Variants in SIPA1L2 observed in about 807,000 individuals in gnomAD.
SIPA1L2 encodes the protein signal-induced proliferation-associated 1-like protein 2.
SIPA1L2 carries 56 observed loss-of-function variants against 163.9 expected under a neutral mutation model. The ratio of observed to expected loss-of-function variants is 0.34; its 90% CI spans 0.28 to 0.43. The LOEUF is 0.43. Among genes scored for constraint, SIPA1L2 ranks in the 20% least tolerant of loss-of-function variants. SIPA1L2 has a pLI of 1.00. For missense variants in SIPA1L2, 1,974 were observed against 2,193.5 expected (o/e 0.90, Z 2.00); for synonymous variants, 877 against 865.7 (o/e 1.01, Z -0.23).
At chr1:232,554,091 T>C (rs1485279922) in intron 2 of SIPA1L2, among the ~76,000 whole-genome samples, 1 of 152,198 alleles carries the variant, frequency 6.6e-6, no homozygotes, top group Non-Finnish European at 1.5e-5. Flanking sequence ...GGTTTCAATC[T>C]CTAAAAAGTT....
chr1:232,571,693 T>C (rs1304625239), intron 2 of SIPA1L2, among the ~76,000 whole-genome samples: 2 of 152,178 alleles, frequency 1.3e-5, no homozygotes, highest in African/African-American at 4.8e-5. Flanking sequence ...CACCGTCCCC[T>C]TGGGGTTAAG....
intron 19 of SIPA1L2, among the ~76,000 whole-genome samples, chr1:232,407,759 T>C (rs1214864579): frequency 6.6e-6 from 1 of 152,174 alleles, no homozygotes; most frequent in Non-Finnish European, 1.5e-5. Flanking sequence ...GGATCACTAG[T>C]TGGTGATTTT....
At chr1:232,503,140 C>T (rs899027549) in intron 3 of SIPA1L2, among the ~76,000 whole-genome samples, 1 of 152,094 alleles carries the variant, frequency 6.6e-6, no homozygotes, top group Non-Finnish European at 1.5e-5. Flanking sequence ...CAAATGAAAT[C>T]CTTCCTTGGC....
intron 3 of SIPA1L2, among the ~76,000 whole-genome samples, chr1:232,500,603 G>T (rs939543375): frequency 6.6e-6 from 1 of 152,198 alleles, no homozygotes; most frequent in East Asian, 1.9e-4. Context: ...CTGAAGATCT[G>T]ATTGAATTGC....
Position 232,544,595 on chromosome 1 carries a change from C to CT in SIPA1L2, c.-269-28988dup, listed in dbSNP as rs369291862. 3.9e-3 allele frequency among the ~76,000 whole-genome samples: 594 copies of CT among 151,766 alleles called. 5 individuals are homozygous for CT. Among genetic ancestry groups the CT allele is most frequent in the African/African-American group, 0.014 (572 of 41,384 alleles). ...AAAGTGCTTGAATGCCAAGAATGATCTTTATCTCTCAAAAAGAGCATCTGC... is the reference window on the plus strand; with the variant it reads ...AAAGTGCTTGAATGCCAAGAATGATCTTTTATCTCTCAAAAAGAGCATCTGC... On this transcript the variant is annotated intron_variant, in intron 2 of 22. Coordinates refer to ENST00000674635, the MANE Select transcript of SIPA1L2 (RefSeq NM_020808.5).
chr1:232,466,413 G>A (rs181510750), intron 8 of SIPA1L2, among the ~76,000 whole-genome samples: 4 of 152,220 alleles, frequency 2.6e-5, no homozygotes, highest in South Asian at 2.1e-4. Context: ...AACCAATAAC[G>A]CTCCCCTACA....
At chr1:232,524,116 T>TA (rs1303747550) in intron 2 of SIPA1L2, among the ~76,000 whole-genome samples, 1 of 152,150 alleles carries the variant, frequency 6.6e-6, no homozygotes, top group African/African-American at 2.4e-5. Flanking sequence ...TTGTCTGATA[T>TA]AAAAAAACCC....
At chr1:232,477,364 T>C (rs1453352133) in intron 7 of SIPA1L2, among the ~76,000 whole-genome samples, 1 of 152,234 alleles carries the variant, frequency 6.6e-6, no homozygotes, top group African/African-American at 2.4e-5. Flanking sequence ...CCTGGAACTA[T>C]TTTAAGTGCT....
chr1:232,520,122 G>C (rs919845126), intron 2 of SIPA1L2, among the ~76,000 whole-genome samples: 1 of 152,198 alleles, frequency 6.6e-6, no homozygotes, highest in African/African-American at 2.4e-5. Context: ...CAGATCTCTA[G>C]ATTTTGTCTA....
chr1:232,607,449 T>C (rs1661985427), intron 1 of SIPA1L2, among the ~76,000 whole-genome samples: 1 of 152,188 alleles, frequency 6.6e-6, no homozygotes, highest in Non-Finnish European at 1.5e-5. Flanking sequence ...TTACATTGGG[T>C]ATCCTTATAC....
chr1:232,485,856 A>T (rs2102983443), intron 5 of SIPA1L2, among the ~76,000 whole-genome samples: 1 of 152,272 alleles, frequency 6.6e-6, no homozygotes, highest in East Asian at 1.9e-4. Context: ...ATACTAACTC[A>T]CTCCAGTGCC....
rs1660189902 is a variant in SIPA1L2 at position 232,399,263 on chromosome 1, T to A, written c.5033A>T (p.Asp1678Val). 6.2e-7 allele frequency: 1 copy of A among 1,613,362 alleles called. No individual in the cohort carries two copies. Among genetic ancestry groups the A allele is most frequent in the Non-Finnish European group, 8.5e-7 (1 of 1,179,912 alleles). Reference protein sequence around the residue: ...LQTDLRKEKQDKAVLQAEVQH... With the variant: ...LQTDLRKEKQVKAVLQAEVQH... ...CACTTCTGCTTGGAGAACGGCCTTGTCTTGTTTTTCCTGGTCAGAGCAGAA... is the reference window on the plus strand; with the variant it reads ...CACTTCTGCTTGGAGAACGGCCTTGACTTGTTTTTCCTGGTCAGAGCAGAA... The change falls in exon 23 of 23, where the codon GAC becomes GTC. Residue 1678 changes from aspartate to valine, a missense_variant. Asp to Val is a radical substitution (Grantham distance 152). Coordinates refer to ENST00000674635, the MANE Select transcript of SIPA1L2 (RefSeq NM_020808.5).
intron 11 of SIPA1L2, among the ~76,000 whole-genome samples, chr1:232,444,790 T>C (rs776299072): frequency 1.3e-5 from 2 of 152,172 alleles, no homozygotes; most frequent in Non-Finnish European, 2.9e-5. Flanking sequence ...AGTTAAGAGC[T>C]GTGATTCCAG....
At chr1:232,620,388 G>A (rs1188025511) in intron 1 of SIPA1L2, among the ~76,000 whole-genome samples, 1 of 152,208 alleles carries the variant, frequency 6.6e-6, no homozygotes. Flanking sequence ...GCTACAGCAA[G>A]GGAAGTACAG....
chr1:232,575,106 C>T (rs1345193852), intron 1 of SIPA1L2, among the ~76,000 whole-genome samples: 1 of 152,178 alleles, frequency 6.6e-6, no homozygotes, highest in Non-Finnish European at 1.5e-5. Context: ...GCCAAGCGCC[C>T]TAGGGCTCAC....
intron 19 of SIPA1L2, among the ~76,000 whole-genome samples, chr1:232,413,592 G>T (rs970747441): frequency 6.6e-6 from 1 of 152,212 alleles, no homozygotes; most frequent in African/African-American, 2.4e-5. Flanking sequence ...TATGAGCTGG[G>T]ATAGTTCTGG....
intron 1 of SIPA1L2, among the ~76,000 whole-genome samples, chr1:232,617,961 T>C (rs147820394): frequency 1.6e-3 from 240 of 152,224 alleles, no homozygotes; most frequent in African/African-American, 5.5e-3. Context: ...ATAAAATGGA[T>C]TGATGGATGG....
chr1:232,510,001 G>T (rs561468420), intron 3 of SIPA1L2, among the ~76,000 whole-genome samples: 2 of 152,064 alleles, frequency 1.3e-5, no homozygotes, highest in Non-Finnish European at 2.9e-5. Flanking sequence ...GTGACCTCAC[G>T]GATTGCCTCC....
At position 232,404,128 on chromosome 1, in the gene SIPA1L2, G is replaced by C. The variant is rs1381880346; in HGVS notation, c.4813C>G (p.Leu1605Val). The C allele has an allele frequency of 6.2e-7, 1 of 1,614,048 alleles. No individual in the cohort carries two copies. ...LGLLCHHTSY[L>V]DQRVASFCTL... ...ACGAGCAGCCCCAGACAATCACCTA[G>C]ATAGGACGTGTGGTGACAGAGCAGC... is the stretch of plus-strand genomic sequence containing the variant. Residue 1605 changes from leucine (L) to valine (V), a missense_variant, in exon 20 of 23, where the codon CTA becomes GTA. By Grantham distance (32) the Leu-to-Val change is conservative (BLOSUM62 1). This residue lies in a region of SIPA1L2 where 1,079 missense variants were observed against 1,150.7 expected (regional missense o/e 0.94). Coordinates refer to ENST00000674635, the MANE Select transcript of SIPA1L2 (RefSeq NM_020808.5).
Sources: gnomAD v4.1 joint callset for allele counts (sites outside exome capture counted in the v4.1 genomes callset) on GRCh38, gnomAD v4.1.1 for gene constraint, gnomAD v4.1.1 regional missense constraint, MANE v1.5 for transcripts, NCBI Gene and HGNC (gene_info 2026-07-23, HGNC 2026-07-21) for gene names.